VSNL1: variants seen among roughly 807,000 people sequenced by gnomAD.
The protein encoded by VSNL1 is visinin like 1.
A neutral mutation model predicts 20.4 loss-of-function variants in VSNL1; 6 were observed. The ratio of observed to expected loss-of-function variants is 0.29; its 90% CI spans 0.16 to 0.58. The LOEUF (loss-of-function observed/expected upper bound fraction) is 0.58. Ranked by LOEUF, VSNL1 falls within the 20% of genes least tolerant of loss-of-function variation. VSNL1 has a pLI of 0.90. For missense variants in VSNL1, 100 were observed against 234.5 expected (o/e 0.43, Z 3.75); for synonymous variants, 93 against 86.4 (o/e 1.08, Z -0.42).
At chr2:17,643,911 GC>G (rs759491413) in intron 2 of VSNL1, among the ~76,000 whole-genome samples, 1 of 152,168 alleles carries the variant, frequency 6.6e-6, no homozygotes, top group African/African-American at 2.4e-5. Context: ...GGACAAGGGA[GC>G]CGGGGGACCA....
intron 1 of VSNL1, among the ~76,000 whole-genome samples, chr2:17,547,929 G>A (rs568310051): frequency 3.3e-5 from 5 of 152,050 alleles, no homozygotes; most frequent in African/African-American, 4.8e-5. Context: ...AATAAAAAAC[G>A]TTTCAGGAGC....
In VSNL1 at chr2:17,578,610, T is replaced by C. The variant is rs1336677469; in HGVS notation, c.-5-13460T>C. Among the ~76,000 whole-genome samples, 3 of 152,336 alleles carry C rather than the reference T, an allele frequency of 2.0e-5. No individual in the cohort carries two copies. The East Asian group carries it at 5.8e-4, about 29-fold the overall frequency. ...GCACTTCCTCTCCTTCAGCACATGC[T>C]ACCTGTGCTCTCAGAAGGCCCACGG... On this transcript the variant is annotated intron_variant, in intron 1 of 3. Transcript: ENST00000295156.
chr2:17,627,637 G>C (rs570739277), intron 2 of VSNL1, among the ~76,000 whole-genome samples: 1 of 152,280 alleles, frequency 6.6e-6, no homozygotes, highest in East Asian at 1.9e-4. Flanking sequence ...CTGTGTTGGG[G>C]CCACAGAACT....
chr2:17,624,390 C>A (rs529127709), intron 2 of VSNL1, among the ~76,000 whole-genome samples: 1 of 152,128 alleles, frequency 6.6e-6, no homozygotes, highest in South Asian at 2.1e-4. Context: ...CCCCTTCACC[C>A]CAAGGTATAC....
At chr2:17,647,344 G>A (rs2103428000) in intron 2 of VSNL1, among the ~76,000 whole-genome samples, 1 of 152,218 alleles carries the variant, frequency 6.6e-6, no homozygotes. Flanking sequence ...CGGGTAAACA[G>A]CACTAAGGGG....
chr2:17,547,511 G>A (rs1663429876), intron 1 of VSNL1, among the ~76,000 whole-genome samples: 1 of 152,036 alleles, frequency 6.6e-6, no homozygotes, highest in Non-Finnish European at 1.5e-5. Flanking sequence ...GCCAAGCTCT[G>A]TGTAGTCACT....
intron 2 of VSNL1, among the ~76,000 whole-genome samples, chr2:17,645,761 C>T (rs536605762): frequency 1.3e-5 from 2 of 152,314 alleles, no homozygotes; most frequent in African/African-American, 4.8e-5. Context: ...TGTTGTCTGC[C>T]TGGGGAAAGA....
chr2:17,645,044 A>G (rs543338984), intron 2 of VSNL1, among the ~76,000 whole-genome samples: 1 of 152,390 alleles, frequency 6.6e-6, no homozygotes, highest in African/African-American at 2.4e-5. Flanking sequence ...CAAGACTGTG[A>G]GCAGCGGAGC....
At chr2:17,627,070 C>T (rs962170969) in intron 2 of VSNL1, among the ~76,000 whole-genome samples, 7 of 152,230 alleles carry the variant, frequency 4.6e-5, no homozygotes, top group Admixed American at 6.5e-5. Flanking sequence ...CACATCCAAA[C>T]AGCTTCAGGA....
chr2:17,571,174 G>A (rs1301252836), intron 1 of VSNL1, among the ~76,000 whole-genome samples: 1 of 152,130 alleles, frequency 6.6e-6, no homozygotes, highest in Admixed American at 6.5e-5. Context: ...AATACCAAGA[G>A]CTTATGTTTT....
At chr2:17,652,219 A>T (rs1320568140) in intron 3 of VSNL1, among the ~76,000 whole-genome samples, 1 of 152,150 alleles carries the variant, frequency 6.6e-6, no homozygotes, top group African/African-American at 2.4e-5. Flanking sequence ...CAGAGGACTG[A>T]GGTCCTGGGG....
intron 2 of VSNL1, among the ~76,000 whole-genome samples, chr2:17,609,781 C>G (rs62132148): frequency 0.054 from 8,245 of 152,250 alleles, 260 homozygotes; most frequent in East Asian, 0.092. Flanking sequence ...CCATAAAGGT[C>G]CCACCAATTG....
chr2:17,564,295 T>G (rs915345497), intron 1 of VSNL1, among the ~76,000 whole-genome samples: 5 of 152,196 alleles, frequency 3.3e-5, no homozygotes, highest in African/African-American at 1.2e-4. Context: ...AAATGCATTT[T>G]CAGAGCCTAT....
At chr2:17,626,226 G>C (rs1004534355) in intron 2 of VSNL1, among the ~76,000 whole-genome samples, 1 of 152,184 alleles carries the variant, frequency 6.6e-6, no homozygotes, top group Non-Finnish European at 1.5e-5. Context: ...GCACTATCAT[G>C]TCTCTGCAGC....
At chr2:17,624,902 C>T (rs748261889) in intron 2 of VSNL1, among the ~76,000 whole-genome samples, 2 of 152,108 alleles carry the variant, frequency 1.3e-5, no homozygotes, top group Non-Finnish European at 2.9e-5. Flanking sequence ...AATGAGAAAA[C>T]GCCTGTGTGA....
intron 2 of VSNL1, among the ~76,000 whole-genome samples, chr2:17,622,610 A>G (rs1665412762): frequency 7.1e-6 from 1 of 139,964 alleles, no homozygotes; most frequent in African/African-American, 2.5e-5. Context: ...GAAAAGAAAG[A>G]AAGATCTTCA....
intron 1 of VSNL1, among the ~76,000 whole-genome samples, chr2:17,581,619 T>C (rs1317423307): frequency 1.3e-5 from 2 of 152,228 alleles, no homozygotes; most frequent in Admixed American, 6.5e-5. Context: ...GAGACCACTT[T>C]ATAAAATATT....
intron 2 of VSNL1, among the ~76,000 whole-genome samples, chr2:17,625,456 T>A (rs1278818932): frequency 6.6e-6 from 1 of 152,248 alleles, no homozygotes; most frequent in Non-Finnish European, 1.5e-5. Flanking sequence ...TATGATGAAC[T>A]ATTATCTCCT....
rs144589951 is a variant in VSNL1 at position 17,617,887 on chromosome 2, G to A, written c.162+25651G>A. Among the ~76,000 whole-genome samples, 16 of 91,162 alleles carry A rather than the reference G, an allele frequency of 1.8e-4. 1 individual carries two copies. Among genetic ancestry groups the A allele is most frequent in the Admixed American group, 9.6e-4 (10 of 10,418 alleles). The allele number at this position is 91,162 out of a possible 152,430, so 59.8% of individuals were successfully genotyped here. On this transcript the variant is annotated intron_variant, in intron 2 of 3. Transcript: ENST00000295156. ...TGCATACATGCACATGCACATGCAC[G>A]CGCACACACACACACACACACACCC...
Sources: gnomAD v4.1 joint callset for allele counts (sites outside exome capture counted in the v4.1 genomes callset) on GRCh38, gnomAD v4.1.1 for gene constraint, MANE v1.5 for transcripts, NCBI Gene and HGNC (gene_info 2026-07-23, HGNC 2026-07-21) for gene names.